Variants in LCOR observed in about 807,000 individuals in gnomAD.
LCOR encodes ligand-dependent corepressor.
A neutral mutation model predicts 64.4 loss-of-function variants in LCOR; 14 were observed. The observed-to-expected ratio is 0.22, with a 90% CI of 0.14 to 0.34. LCOR has a LOEUF of 0.34. Ranked by LOEUF, LCOR falls within the 10% of genes least tolerant of loss-of-function variation. The pLI is 1.00. For synonymous variants in LCOR, 643 were observed against 642.5 expected, an observed-to-expected ratio of 1.00 and a Z score of -0.01; for missense variants, 1,686 against 1,765.3, an observed-to-expected ratio of 0.96 and a Z score of 0.80.
chr10:96,979,694 C>G (rs1298509828), intron 7 of LCOR, among the ~76,000 whole-genome samples: 1 of 152,194 alleles, frequency 6.6e-6, no homozygotes, highest in Non-Finnish European at 1.5e-5. Flanking sequence ...TAGCTATCTC[C>G]TCACTTAAGA....
intron 6 of LCOR, among the ~76,000 whole-genome samples, chr10:96,951,815 G>C (rs1047218030): frequency 1.3e-5 from 2 of 152,064 alleles, no homozygotes; most frequent in African/African-American, 2.4e-5. Flanking sequence ...CATGCTATGT[G>C]AACTGCTATT....
At position 96,919,642 on chromosome 10, in the gene LCOR, A is replaced by T. The variant is rs1176416564; in HGVS notation, c.-184+11895A>T. Among the ~76,000 whole-genome samples the T allele has an allele frequency of 3.9e-5, 6 of 152,190 alleles. No homozygotes were observed. In the East Asian group the frequency reaches 7.7e-4, roughly 20 times the overall value. ...GTAAAATGGAAACTCTTTGTCCATTAAACAGTAACTCTCCCATTTCCTCCT... is the reference window on the plus strand; with the variant it reads ...GTAAAATGGAAACTCTTTGTCCATTTAACAGTAACTCTCCCATTTCCTCCT... On this transcript the variant is annotated intron_variant, in intron 4 of 7. Coordinates refer to ENST00000421806, the MANE Select transcript of LCOR (RefSeq NM_001346516.2).
chr10:96,920,758 A>ATATATGTGTATATATGTGTATATATG (rs1564626511), intron 4 of LCOR, among the ~76,000 whole-genome samples: 8 of 102,972 alleles, frequency 7.8e-5, no homozygotes, highest in African/African-American at 5.3e-4. Context: ...GTATACACAC[A>ATATATGTGTATATATGTGTATATATG]CACACACACA....
At position 96,984,756 on chromosome 10, in the gene LCOR, T is replaced by A. The variant is rs2134567378; in HGVS notation, c.4296T>A (p.Pro1432=). 1.2e-6 allele frequency: 2 copies of A among 1,613,652 alleles called. No homozygotes were observed. The highest frequency in any genetic ancestry group is 1.1e-5 in the South Asian group (1 of 90,994). Residue 1432 remains proline (P), a synonymous_variant, in exon 8 of 8, where the codon CCT becomes CCA. Transcript: ENST00000421806. ...ATGCTGATGGAGCCACCAAAACCCCTGCTGCCAAGAGGCCAGCTGCAAGGG... is the reference window on the plus strand; with the variant it reads ...ATGCTGATGGAGCCACCAAAACCCCAGCTGCCAAGAGGCCAGCTGCAAGGG... ...EKHADGATKT[P]AAKRPAARDR... is the part of the protein sequence containing the mutation.
At chr10:96,886,196 C>G (rs1409353867) in intron 2 of LCOR, among the ~76,000 whole-genome samples, 1 of 152,112 alleles carries the variant, frequency 6.6e-6, no homozygotes, top group African/African-American at 2.4e-5. Flanking sequence ...TGTCATACAT[C>G]ATTCTAGTCC....
intron 4 of LCOR, among the ~76,000 whole-genome samples, chr10:96,920,985 A>G (rs544601291): frequency 6.6e-6 from 1 of 151,814 alleles, no homozygotes; most frequent in Admixed American, 6.6e-5. Flanking sequence ...TTTTGTGGAG[A>G]TGGGGCCTTG....
At chr10:96,932,564 A>G (rs938389158) in intron 4 of LCOR, among the ~76,000 whole-genome samples, 1 of 152,058 alleles carries the variant, frequency 6.6e-6, no homozygotes, top group Non-Finnish European at 1.5e-5. Flanking sequence ...CCCGGGTTCA[A>G]GCAATTCTCC....
At chr10:96,906,336 C>CTCCT (rs1425506603) in intron 2 of LCOR, among the ~76,000 whole-genome samples, 6 of 152,166 alleles carry the variant, frequency 3.9e-5, no homozygotes, top group Non-Finnish European at 8.8e-5. Flanking sequence ...GATTCATAGA[C>CTCCT]TCCTTGTTTG....
chr10:96,833,939 G>A (rs570757174), intron 2 of LCOR, among the ~76,000 whole-genome samples: 1 of 152,332 alleles, frequency 6.6e-6, no homozygotes, highest in South Asian at 2.1e-4. Flanking sequence ...GAGAGGCTCA[G>A]TTTGGAAGAA....
intron 4 of LCOR, among the ~76,000 whole-genome samples, chr10:96,931,342 T>C (rs1847257245): frequency 6.6e-6 from 1 of 152,062 alleles, no homozygotes; most frequent in Admixed American, 6.6e-5. Flanking sequence ...CAAGTGATTC[T>C]TCTGCATCAG....
intron 2 of LCOR, 21 bp from the exon 3 acceptor site, chr10:96,907,244 A>G: frequency 1.1e-6 from 1 of 905,606 alleles, no homozygotes; most frequent in Non-Finnish European, 1.3e-6. Context: ...GTGGTAATGG[A>G]TTTTGTTTTT....
At chr10:96,873,054 G>A (rs1846098918) in intron 2 of LCOR, among the ~76,000 whole-genome samples, 1 of 147,880 alleles carries the variant, frequency 6.8e-6, no homozygotes, top group East Asian at 1.9e-4. Context: ...GTGAGCAAAG[G>A]GCTAAAAGGG....
intron 4 of LCOR, among the ~76,000 whole-genome samples, chr10:96,915,340 A>G (rs1360665853): frequency 6.6e-6 from 1 of 152,116 alleles, no homozygotes; most frequent in Non-Finnish European, 1.5e-5. Context: ...CCAACATGGT[A>G]AAACCGTGTC....
chr10:96,993,541 A>G lies in LCOR; in HGVS notation c.*8407A>G, dbSNP rs942622544. The stretch of plus-strand genomic sequence containing the variant: ...TAAAAATATTTATTACTTGTGCTGT[A>G]TACAAATTCATGTTCTGAGTGATGT... On this transcript the variant is annotated 3_prime_UTR_variant, in exon 8 of 8. Transcript: ENST00000421806. 4 of 152,092 alleles carry G rather than the reference A, an allele frequency of 2.6e-5. No homozygotes were observed. Among genetic ancestry groups the G allele is most frequent in the Non-Finnish European group, 5.9e-5 (4 of 68,018 alleles). 9.4% of individuals were successfully genotyped at this position (152,092 alleles called of 1,614,324 possible).
intron 4 of LCOR, among the ~76,000 whole-genome samples, chr10:96,917,569 T>G (rs540795160): frequency 5.8e-4 from 89 of 152,272 alleles, no homozygotes; most frequent in Non-Finnish European, 1.1e-3. Flanking sequence ...AATCTAGAAG[T>G]TAGAACTCAA....
At chr10:96,908,664 A>G (rs1846772231) in intron 4 of LCOR, among the ~76,000 whole-genome samples, 1 of 150,210 alleles carries the variant, frequency 6.7e-6, no homozygotes, top group Non-Finnish European at 1.5e-5. Context: ...TTTTTTTTTC[A>G]TGGTACATCC....
At chr10:96,944,952 C>T (rs1301643373) in intron 5 of LCOR, among the ~76,000 whole-genome samples, 1 of 152,066 alleles carries the variant, frequency 6.6e-6, no homozygotes, top group East Asian at 1.9e-4. Flanking sequence ...AGCATAATTA[C>T]CATCAGCCAG....
At chr10:96,833,763 C>T (rs117528616) in intron 2 of LCOR, among the ~76,000 whole-genome samples, 3 of 152,264 alleles carry the variant, frequency 2.0e-5, no homozygotes, top group Non-Finnish European at 4.4e-5. Flanking sequence ...CCCTCATTCC[C>T]TCCTTCCCGA....
Position 96,984,796 on chromosome 10 carries a change from C to A in LCOR, c.4336C>A (p.Pro1446Thr). The A allele has an allele frequency of 6.2e-7, 1 of 1,614,034 alleles. No homozygotes were observed. The highest frequency in any genetic ancestry group is 8.5e-7 in the Non-Finnish European group (1 of 1,179,972). ...AGCTGCAAGGGACAGAAGCAGCCAA[C>A]CCCCCAAAAAGACGTCTTTGAAAGA... The part of the protein sequence containing the change: ...RPAARDRSSQ[P>T]PKKTSLKENK... Residue 1446 changes from proline to threonine, a missense_variant, in exon 8 of 8, where the codon CCC becomes ACC. Physicochemically the swap from Pro to Thr is conservative, Grantham distance 38 (BLOSUM62 -1). Transcript: ENST00000421806.
Sources: gnomAD v4.1 joint callset for allele counts (sites outside exome capture counted in the v4.1 genomes callset) on GRCh38, gnomAD v4.1.1 for gene constraint, MANE v1.5 for transcripts, NCBI Gene and HGNC (gene_info 2026-07-23, HGNC 2026-07-21) for gene names.